XRCC4: variants seen among roughly 807,000 people sequenced by gnomAD.
XRCC4 encodes X-ray repair cross complementing 4.
Under a neutral mutation model 39.1 loss-of-function variants are expected in XRCC4, and 28 were observed. The ratio of observed to expected loss-of-function variants is 0.72; its 90% CI spans 0.53 to 0.98. XRCC4 has a LOEUF of 0.98. Among genes scored for constraint, XRCC4 ranks in the 50% least tolerant of loss-of-function variants. The pLI is 0.00. For missense variants in XRCC4, 350 were observed against 376.4 expected (o/e 0.93, Z 0.58); for synonymous variants, 123 against 126.4 (o/e 0.97, Z 0.18).
At chr5:83,122,560 G>A (rs1273335355) in intron 3 of XRCC4, among the ~76,000 whole-genome samples, 1 of 152,098 alleles carries the variant, frequency 6.6e-6, no homozygotes, top group Non-Finnish European at 1.5e-5. Flanking sequence ...CTCAGCAATT[G>A]TTTGTAGTTT....
At chr5:83,341,282 C>G (rs1434913301) in intron 7 of XRCC4, among the ~76,000 whole-genome samples, 1 of 151,988 alleles carries the variant, frequency 6.6e-6, no homozygotes, top group Non-Finnish European at 1.5e-5. Context: ...TTACCATTTA[C>G]CTGTGTATCC....
chr5:83,326,719 G>A (rs997875914), intron 7 of XRCC4, among the ~76,000 whole-genome samples: 4 of 151,934 alleles, frequency 2.6e-5, no homozygotes, highest in Admixed American at 2.0e-4. Context: ...CAACCAAGTC[G>A]TGCCAGAAAG....
At chr5:83,235,215 G>A (rs1472353843) in intron 6 of XRCC4, among the ~76,000 whole-genome samples, 2 of 151,100 alleles carry the variant, frequency 1.3e-5, no homozygotes, top group Non-Finnish European at 2.9e-5. Flanking sequence ...TATACCTGTA[G>A]TCCCAGCTAC....
intron 6 of XRCC4, among the ~76,000 whole-genome samples, chr5:83,248,146 T>C (rs1023826921): frequency 2.0e-5 from 3 of 152,176 alleles, no homozygotes; most frequent in Admixed American, 1.3e-4. Flanking sequence ...TGGCATAAGA[T>C]TGATCATATG....
chr5:83,147,252 T>C (rs1388437715), intron 3 of XRCC4, among the ~76,000 whole-genome samples: 1 of 152,170 alleles, frequency 6.6e-6, no homozygotes, highest in Non-Finnish European at 1.5e-5. Flanking sequence ...AGCGAGGCTT[T>C]GTCTCTAAGA....
At chr5:83,107,466 G>C (rs1158129470) in intron 2 of XRCC4, among the ~76,000 whole-genome samples, 2 of 151,628 alleles carry the variant, frequency 1.3e-5, no homozygotes, top group Non-Finnish European at 3.0e-5. Context: ...AAATTAAAAG[G>C]ATGTAAGTTT....
intron 7 of XRCC4, among the ~76,000 whole-genome samples, chr5:83,272,304 C>T (rs761302147): frequency 1.3e-5 from 2 of 152,128 alleles, no homozygotes; most frequent in African/African-American, 2.4e-5. Context: ...TCATACCCCC[C>T]CAAACCCTGT....
chr5:83,176,967 A>G (rs1413044348), intron 3 of XRCC4, among the ~76,000 whole-genome samples: 4 of 152,134 alleles, frequency 2.6e-5, no homozygotes, highest in Non-Finnish European at 5.9e-5. Flanking sequence ...ATCATAATCT[A>G]TTTTTAGATA....
chr5:83,343,682 T>G (rs546169119), intron 7 of XRCC4, among the ~76,000 whole-genome samples: 3 of 152,248 alleles, frequency 2.0e-5, no homozygotes, highest in Admixed American at 2.0e-4. Context: ...CATTTCTTTC[T>G]CTAGCTGTCT....
downstream of XRCC4, among the ~76,000 whole-genome samples, chr5:83,354,313 G>A (rs1459582161): frequency 6.6e-6 from 1 of 152,158 alleles, no homozygotes; most frequent in Admixed American, 6.5e-5. Flanking sequence ...ATAGTTAAAA[G>A]TTTGAGTGTG....
the XRCC4 span, among the ~76,000 whole-genome samples, chr5:83,370,852 G>C: frequency 6.6e-6 from 1 of 152,078 alleles, no homozygotes; most frequent in Non-Finnish European, 1.5e-5. Context: ...CACATACCAA[G>C]TCTGTCTTCC....
At chr5:83,279,194 T>G (rs942396217) in intron 7 of XRCC4, among the ~76,000 whole-genome samples, 15 of 151,032 alleles carry the variant, frequency 9.9e-5, no homozygotes, top group African/African-American at 3.6e-4. Flanking sequence ...TGGATACATA[T>G]CAATCAACTT....
chr5:83,280,897 C>CT (rs1478151477), intron 7 of XRCC4, among the ~76,000 whole-genome samples: 1 of 152,170 alleles, frequency 6.6e-6, no homozygotes, highest in Admixed American at 6.5e-5. Flanking sequence ...TATTTGCCCA[C>CT]TGTGTATCTC....
chr5:83,274,338 T>G (rs866258347), intron 7 of XRCC4, among the ~76,000 whole-genome samples: 5 of 152,240 alleles, frequency 3.3e-5, no homozygotes, highest in Admixed American at 6.5e-5. Flanking sequence ...TTACAAATTA[T>G]CAAGTGTTGT....
In XRCC4 at chr5:83,154,984, C is replaced by CA. The variant is rs199690851; in HGVS notation, c.316-40785dup. Among the ~76,000 whole-genome samples the CA allele has an allele frequency of 4.1e-3, 622 of 152,234 alleles. 2 individuals carry two copies. The highest frequency in any genetic ancestry group is 0.011 in the African/African-American group (475 of 41,538). ...GCAGAAATCACACTATTTTTCTATT[C>CA]AGTGTTCTTGCTGCTGTTTTTACCT... is the stretch of plus-strand genomic sequence containing the variant. On this transcript the variant is annotated intron_variant, in intron 3 of 7. Coordinates refer to ENST00000396027, the MANE Select transcript of XRCC4 (RefSeq NM_003401.5).
chr5:83,085,791 T>C (rs1417805498), intron 1 of XRCC4, among the ~76,000 whole-genome samples: 1 of 152,182 alleles, frequency 6.6e-6, no homozygotes, highest in Non-Finnish European at 1.5e-5. Flanking sequence ...TTTTTGCACT[T>C]TAGATGTGAT....
At chr5:83,289,482 C>T (rs1271706242) in intron 7 of XRCC4, among the ~76,000 whole-genome samples, 2 of 151,790 alleles carry the variant, frequency 1.3e-5, no homozygotes, top group African/African-American at 2.4e-5. Flanking sequence ...CTCCTGTTGT[C>T]CTTGCTTTTG....
intron 3 of XRCC4, among the ~76,000 whole-genome samples, chr5:83,114,239 A>AT (rs1454834985): frequency 6.6e-6 from 1 of 152,136 alleles, no homozygotes. Flanking sequence ...CATGCCTCGG[A>AT]GACATTTCCC....
At chr5:83,307,280 A>C (rs1755524412) in intron 7 of XRCC4, among the ~76,000 whole-genome samples, 1 of 152,192 alleles carries the variant, frequency 6.6e-6, no homozygotes, top group Non-Finnish European at 1.5e-5. Flanking sequence ...TGATGCTTGG[A>C]GGGGCAGAGT....
Sources: allele counts gnomAD v4.1 joint callset (sites outside exome capture counted in the v4.1 genomes callset), GRCh38; gene constraint gnomAD v4.1.1; transcripts MANE v1.5; gene names NCBI Gene and HGNC (gene_info 2026-07-23, HGNC 2026-07-21).